The following CCSER1 variants were observed in gnomAD, a reference collection of about 807,000 sequenced individuals.
CCSER1 encodes the protein coiled-coil serine rich protein 1.
A neutral mutation model predicts 82.0 loss-of-function variants in CCSER1; 41 were observed. That is an observed-to-expected ratio of 0.50 (90% CI 0.39 to 0.65). The LOEUF (loss-of-function observed/expected upper bound fraction) is 0.65, where lower values mean the gene tolerates loss of function less well. CCSER1 is among the 30% of genes least tolerant of loss of function. The pLI is 0.00. For synonymous variants in CCSER1, 414 were observed against 383.9 expected (o/e 1.08, Z -0.92); for missense variants, 1,119 against 1,064.2 (o/e 1.05, Z -0.72).
intron 10 of CCSER1, among the ~76,000 whole-genome samples, chr4:91,139,307 TA>T (rs1728798928): frequency 6.6e-6 from 1 of 152,228 alleles, no homozygotes; most frequent in East Asian, 1.9e-4. Context: ...GATGGGAAAC[TA>T]GATTGGTTCC....
At chr4:90,637,969 G>A (rs941908054) in intron 6 of CCSER1, among the ~76,000 whole-genome samples, 3 of 152,032 alleles carry the variant, frequency 2.0e-5, no homozygotes, top group African/African-American at 7.2e-5. Flanking sequence ...TTCCTTTTGG[G>A]GTTGCCTGTG....
At chr4:91,497,556 T>C (rs771501780) in intron 10 of CCSER1, among the ~76,000 whole-genome samples, 18 of 151,820 alleles carry the variant, frequency 1.2e-4, no homozygotes, top group Non-Finnish European at 2.1e-4. Context: ...ATGATAACTA[T>C]GGCTTTACAA....
chr4:91,181,689 A>G (rs1353767364), intron 10 of CCSER1, among the ~76,000 whole-genome samples: 3 of 152,300 alleles, frequency 2.0e-5, no homozygotes, highest in Admixed American at 6.5e-5. Context: ...CCAATTAATA[A>G]TGATTCCATA....
intron 10 of CCSER1, among the ~76,000 whole-genome samples, chr4:91,427,734 G>A (rs1431476681): frequency 6.6e-6 from 1 of 152,028 alleles, no homozygotes. Flanking sequence ...TATAATAATT[G>A]TATTTACTAT....
At chr4:90,560,574 AG>A (rs1778649346) in intron 5 of CCSER1, among the ~76,000 whole-genome samples, 1 of 152,150 alleles carries the variant, frequency 6.6e-6, no homozygotes, top group African/African-American at 2.4e-5. Context: ...GGTCTTCATC[AG>A]TGTCATGTTC....
At chr4:90,546,950 A>G (rs549819694) in intron 5 of CCSER1, among the ~76,000 whole-genome samples, 3 of 152,082 alleles carry the variant, frequency 2.0e-5, no homozygotes, top group Admixed American at 6.6e-5. Flanking sequence ...CCAAAGCCTA[A>G]TGAGTAAGTC....
chr4:91,410,285 A>G (rs1752946365), intron 10 of CCSER1, among the ~76,000 whole-genome samples: 1 of 152,122 alleles, frequency 6.6e-6, no homozygotes, highest in African/African-American at 2.4e-5. Flanking sequence ...ATTTTTTTCA[A>G]TTTAAAATAC....
chr4:90,874,906 C>T (rs779832882), intron 8 of CCSER1, among the ~76,000 whole-genome samples: 2 of 151,992 alleles, frequency 1.3e-5, no homozygotes, highest in African/African-American at 4.8e-5. Context: ...ATTAGCTGGG[C>T]GTAGTGATGC....
chr4:91,462,825 T>A (rs1004611531), intron 10 of CCSER1, among the ~76,000 whole-genome samples: 1 of 152,108 alleles, frequency 6.6e-6, no homozygotes, highest in Non-Finnish European at 1.5e-5. Flanking sequence ...GCGCCTGCAA[T>A]TGCTGAGGCT....
intron 10 of CCSER1, among the ~76,000 whole-genome samples, chr4:91,510,526 G>C (rs1759758884): frequency 6.6e-6 from 1 of 152,060 alleles, no homozygotes; most frequent in South Asian, 2.1e-4. Context: ...TAACCATTCT[G>C]ACTGACAAAA....
In CCSER1 at chr4:91,598,806, A is replaced by C. The variant is rs1298414321; in HGVS notation, c.2452A>C (p.Thr818Pro). 6.4e-7 allele frequency: 1 copy of C among 1,551,516 alleles called. No homozygotes were observed. Among genetic ancestry groups the C allele is most frequent in the Admixed American group, 2.0e-5 (1 of 50,966 alleles). ...GTYETLTSDV[T>P]QNLRATVGQS... ...TTATGAAACCCTCACTTCAGACGTT[A>C]CACAGAACTTACGGGCCACCGTTGG... Residue 818 changes from threonine to proline, a missense_variant, in exon 11 of 11, where the codon ACA becomes CCA. By Grantham distance (38) the Thr-to-Pro change is conservative. Transcript: ENST00000509176.
intron 3 of CCSER1, among the ~76,000 whole-genome samples, chr4:90,379,462 A>G (rs1405958335): frequency 1.3e-5 from 2 of 152,198 alleles, no homozygotes; most frequent in East Asian, 3.9e-4. Context: ...TAACAATGTG[A>G]GGCACACTTT....
At chr4:90,524,644 T>C (rs1215739669) in intron 5 of CCSER1, among the ~76,000 whole-genome samples, 1 of 152,102 alleles carries the variant, frequency 6.6e-6, no homozygotes, top group African/African-American at 2.4e-5. Flanking sequence ...AATTTTTGTA[T>C]TTTTAGTAGA....
At chr4:91,000,308 A>G (rs1460629864) in intron 9 of CCSER1, among the ~76,000 whole-genome samples, 1 of 151,936 alleles carries the variant, frequency 6.6e-6, no homozygotes, top group Non-Finnish European at 1.5e-5. Context: ...CTACATTATA[A>G]TATAAGCTAA....
chr4:91,102,301 TG>T (rs1725148647), intron 10 of CCSER1, among the ~76,000 whole-genome samples: 2 of 152,150 alleles, frequency 1.3e-5, no homozygotes, highest in Admixed American at 6.5e-5. Flanking sequence ...AAATCCAGGC[TG>T]GGTTAGTTAA....
intron 9 of CCSER1, among the ~76,000 whole-genome samples, chr4:90,932,743 G>A (rs1185133647): frequency 1.4e-5 from 2 of 144,668 alleles, no homozygotes; most frequent in Non-Finnish European, 3.0e-5. Context: ...CAGGAGAATC[G>A]CTTGAACCCG....
chr4:90,443,760 A>G (rs1220010752), intron 4 of CCSER1, among the ~76,000 whole-genome samples: 1 of 152,068 alleles, frequency 6.6e-6, no homozygotes, highest in African/African-American at 2.4e-5. Context: ...ATTCATCCAA[A>G]ATTACTTATT....
intron 1 of CCSER1, among the ~76,000 whole-genome samples, chr4:90,176,741 C>T (rs892517538): frequency 3.3e-5 from 5 of 151,966 alleles, no homozygotes; most frequent in Non-Finnish European, 5.9e-5. Flanking sequence ...GAACGAGGAG[C>T]ATTTTGGAGA....
chr4:91,445,229 G>T (rs1257704150), intron 10 of CCSER1, among the ~76,000 whole-genome samples: 1 of 151,772 alleles, frequency 6.6e-6, no homozygotes, highest in African/African-American at 2.4e-5. Context: ...ACCCTTTCAA[G>T]AATTATTTTA....
Sources: allele counts gnomAD v4.1 joint callset (sites outside exome capture counted in the v4.1 genomes callset), GRCh38; gene constraint gnomAD v4.1.1; transcripts MANE v1.5; gene names NCBI Gene and HGNC (gene_info 2026-07-23, HGNC 2026-07-21).